NPAS3: variants seen among roughly 807,000 people sequenced by gnomAD.
The protein encoded by NPAS3 is neuronal PAS domain protein 3, also known as neuronal PAS domain-containing protein 3.
NPAS3 carries 14 observed loss-of-function variants against 73.1 expected under a neutral mutation model. That is an observed-to-expected ratio of 0.19 (90% CI 0.13 to 0.30). The LOEUF (loss-of-function observed/expected upper bound fraction) is 0.30, where lower values mean the gene tolerates loss of function less well. Among genes scored for constraint, NPAS3 ranks in the 10% least tolerant of loss-of-function variants. The probability of loss-of-function intolerance (pLI) is 1.00; values close to 1 mark genes in which losing one functional copy is unlikely to be tolerated. For synonymous variants in NPAS3, 620 were observed against 541.5 expected (o/e 1.14, Z -2.01); for missense variants, 1,096 against 1,250.0 (o/e 0.88, Z 1.86).
intron 6 of NPAS3, among the ~76,000 whole-genome samples, chr14:33,684,526 G>T (rs748991992): frequency 7.9e-5 from 12 of 152,104 alleles, no homozygotes; most frequent in Non-Finnish European, 1.6e-4. Context: ...TTGAACTCCT[G>T]ACCTCAGGTG....
At chr14:33,632,609 CT>C (rs1215127398) in intron 5 of NPAS3, among the ~76,000 whole-genome samples, 1 of 152,136 alleles carries the variant, frequency 6.6e-6, no homozygotes, top group Non-Finnish European at 1.5e-5. Flanking sequence ...TGGTTTGGGC[CT>C]TTTCACCTCT....
At chr14:33,794,003 T>C (rs2138637613) in exon 10 of NPAS3, 1 of 1,613,692 alleles carries the variant, frequency 6.2e-7, no homozygotes, top group Non-Finnish European at 8.5e-7. Flanking sequence ...ATGCCAAGAA[T>C]GCAAATGAAA....
At chr14:33,041,533 G>A (rs1333205080) in intron 1 of NPAS3, among the ~76,000 whole-genome samples, 2 of 152,108 alleles carry the variant, frequency 1.3e-5, no homozygotes, top group Non-Finnish European at 2.9e-5. Context: ...GTTTCTCAAA[G>A]TGTAAATTAA....
At chr14:33,238,101 A>G (rs1051802752) in intron 3 of NPAS3, among the ~76,000 whole-genome samples, 1 of 152,020 alleles carries the variant, frequency 6.6e-6, no homozygotes. Context: ...TGATAAATTC[A>G]AAGTCTATGA....
At chr14:33,200,410 G>A (rs1403594027) in intron 2 of NPAS3, among the ~76,000 whole-genome samples, 1 of 151,972 alleles carries the variant, frequency 6.6e-6, no homozygotes, top group Non-Finnish European at 1.5e-5. Context: ...AATAATTATG[G>A]TTTCTTTTCT....
intron 4 of NPAS3, among the ~76,000 whole-genome samples, chr14:33,409,165 A>T (rs2047801820): frequency 6.6e-6 from 1 of 152,174 alleles, no homozygotes; most frequent in Non-Finnish European, 1.5e-5. Context: ...TATGTTTAAA[A>T]AGTATAGCAA....
intron 2 of NPAS3, among the ~76,000 whole-genome samples, chr14:33,118,540 C>T (rs73268611): frequency 6.6e-6 from 1 of 152,082 alleles, no homozygotes; most frequent in Admixed American, 6.6e-5. Flanking sequence ...ATGGGATAGG[C>T]AAGTTCTATC....
intron 4 of NPAS3, among the ~76,000 whole-genome samples, chr14:33,451,625 T>C (rs1212242342): frequency 2.0e-5 from 3 of 152,236 alleles, no homozygotes; most frequent in Non-Finnish European, 4.4e-5. Context: ...AAATGTATGC[T>C]ATGACAATAC....
At position 33,342,001 on chromosome 14, in the gene NPAS3, C is replaced by T. The variant is rs189582465; in HGVS notation, c.386-25185C>T. Among the ~76,000 whole-genome samples, 657 of 152,194 alleles carry T rather than the reference C, an allele frequency of 4.3e-3. 10 individuals are homozygous for T. The highest frequency in any genetic ancestry group is 1.4e-3 in the Non-Finnish European group (95 of 68,020). Reference sequence around the variant, plus strand: ...GCCATTCCGTACCTCATCACGATGCCCTGGGAGACAAGATTTTCCTATTTC... The same window carrying T: ...GCCATTCCGTACCTCATCACGATGCTCTGGGAGACAAGATTTTCCTATTTC... On this transcript the variant is annotated intron_variant, in intron 3 of 11. Coordinates refer to ENST00000356141, the Ensembl canonical transcript of NPAS3.
At position 33,413,044 on chromosome 14, in the gene NPAS3, A is replaced by G. The variant is rs149693953; in HGVS notation, c.468+45776A>G. ...CTTGAAAGCAAAGGCAGTTCGTACA[A>G]CAGGAAATACCAGTATGAAAGCTTG... On this transcript the variant is annotated intron_variant, in intron 4 of 11. Coordinates refer to ENST00000356141, the Ensembl canonical transcript of NPAS3. Among the ~76,000 whole-genome samples the G allele has an allele frequency of 2.6e-3, 391 of 152,296 alleles. 2 individuals carry two copies. Among genetic ancestry groups the G allele is most frequent in the Non-Finnish European group, 4.0e-3 (270 of 68,024 alleles).
intron 4 of NPAS3, among the ~76,000 whole-genome samples, chr14:33,471,275 G>A (rs2050769210): frequency 6.6e-6 from 1 of 152,192 alleles, no homozygotes. Context: ...TGGAGAAGCT[G>A]GGGCAGTAAT....
At chr14:33,430,054 T>C (rs1566895778) in intron 4 of NPAS3, among the ~76,000 whole-genome samples, 1 of 152,116 alleles carries the variant, frequency 6.6e-6, no homozygotes, top group Non-Finnish European at 1.5e-5. Context: ...ATGGAGCTGT[T>C]GGTCTAGAAA....
intron 3 of NPAS3, among the ~76,000 whole-genome samples, chr14:33,341,486 T>C (rs2044477697): frequency 6.6e-6 from 1 of 152,044 alleles, no homozygotes; most frequent in African/African-American, 2.4e-5. Flanking sequence ...GTGTAGGCCA[T>C]TTGTCGTGCT....
intron 3 of NPAS3, among the ~76,000 whole-genome samples, chr14:33,330,155 A>G (rs1242029920): frequency 6.6e-6 from 1 of 152,012 alleles, no homozygotes; most frequent in Non-Finnish European, 1.5e-5. Flanking sequence ...AGGAGGGAGA[A>G]TCACCTGAAC....
chr14:33,738,852 G>C (rs1307523571), intron 7 of NPAS3, among the ~76,000 whole-genome samples: 1 of 152,140 alleles, frequency 6.6e-6, no homozygotes, highest in Non-Finnish European at 1.5e-5. Flanking sequence ...TTCTTGATTA[G>C]GTCTATGTCT....
At chr14:33,472,790 T>G (rs2050844198) in intron 4 of NPAS3, among the ~76,000 whole-genome samples, 1 of 147,484 alleles carries the variant, frequency 6.8e-6, no homozygotes, top group Non-Finnish European at 1.5e-5. Flanking sequence ...TGGGGTGGGG[T>G]GGAGGGTGGA....
intron 3 of NPAS3, among the ~76,000 whole-genome samples, chr14:33,231,338 C>T (rs1363204933): frequency 2.0e-5 from 3 of 152,156 alleles, no homozygotes; most frequent in Admixed American, 6.5e-5. Context: ...ATATTTTTAA[C>T]GTTTAATTTT....
At chr14:32,974,889 A>G (rs150484399) in intron 1 of NPAS3, among the ~76,000 whole-genome samples, 7 of 152,314 alleles carry the variant, frequency 4.6e-5, no homozygotes, top group African/African-American at 1.7e-4. Flanking sequence ...AGTATCAAAC[A>G]AAAACAAATC....
intron 2 of NPAS3, among the ~76,000 whole-genome samples, chr14:33,173,499 A>AT (rs1262421527): frequency 6.6e-6 from 1 of 152,164 alleles, no homozygotes; most frequent in Non-Finnish European, 1.5e-5. Context: ...TATATTGTTT[A>AT]TTTTTTAAAA....
Sources: allele counts gnomAD v4.1 joint callset (sites outside exome capture counted in the v4.1 genomes callset), GRCh38; gene constraint gnomAD v4.1.1; transcripts MANE v1.5; gene names NCBI Gene and HGNC (gene_info 2026-07-23, HGNC 2026-07-21).